The following ADARB1 variants were observed in gnomAD, a reference collection of about 807,000 sequenced individuals.
The protein encoded by ADARB1 is double-stranded RNA-specific editase 1.
In ADARB1, 10 loss-of-function variants were observed where a neutral mutation model predicts 52.4. That is an observed-to-expected ratio of 0.19 (90% CI 0.12 to 0.32). The LOEUF is 0.32. Among genes scored for constraint, ADARB1 ranks in the 10% least tolerant of loss-of-function variants. The pLI is 1.00. For synonymous variants in ADARB1, 349 were observed against 371.1 expected, an observed-to-expected ratio of 0.94 and a Z score of 0.68; for missense variants, 643 against 922.3, an observed-to-expected ratio of 0.70 and a Z score of 3.92.
chr21:45,115,309 G>T (rs931921325), intron 1 of ADARB1, among the ~76,000 whole-genome samples: 2 of 152,202 alleles, frequency 1.3e-5, no homozygotes, highest in African/African-American at 4.8e-5. Context: ...GCTCTCTGCT[G>T]AGTTGGTTCA....
chr21:45,162,377 G>A (rs996946359), intron 2 of ADARB1, among the ~76,000 whole-genome samples: 20 of 152,054 alleles, frequency 1.3e-4, no homozygotes, highest in African/African-American at 4.1e-4. Flanking sequence ...TGGACCCCAC[G>A]CCCACTCACT....
chr21:45,218,485 A>C (rs1193497852), intron 9 of ADARB1, among the ~76,000 whole-genome samples: 1 of 152,210 alleles, frequency 6.6e-6, no homozygotes, highest in Non-Finnish European at 1.5e-5. Context: ...TTGATTGAGT[A>C]ACATGCCTAC....
Position 45,103,274 on chromosome 21 carries a change from C to CAAAA in ADARB1, c.-219-25127_-219-25126insAAAA, listed in dbSNP as rs529492793. 1.5e-3 allele frequency among the ~76,000 whole-genome samples: 227 copies of CAAAA among 152,142 alleles called. 1 individual carries two copies. Among genetic ancestry groups the CAAAA allele is most frequent in the Non-Finnish European group, 2.6e-3 (176 of 68,006 alleles). ...CAGCAGTCCTCAACCTTTTTGGCAC[C>CAAAA]AGGGACTGGTGACAATTTTTCCATG... is the stretch of plus-strand genomic sequence containing the variant. On this transcript the variant is annotated intron_variant, in intron 1 of 10. Transcript: ENST00000348831.
At chr21:45,095,257 C>T (rs2086710234) in intron 1 of ADARB1, among the ~76,000 whole-genome samples, 1 of 152,244 alleles carries the variant, frequency 6.6e-6, no homozygotes, top group African/African-American at 2.4e-5. Context: ...TGCCCCCAGC[C>T]CAGGCTGCGC....
chr21:45,132,638 A>G (rs2089025120), intron 2 of ADARB1, among the ~76,000 whole-genome samples: 1 of 152,154 alleles, frequency 6.6e-6, no homozygotes, highest in Non-Finnish European at 1.5e-5. Flanking sequence ...TGAGGGATTC[A>G]CTTTCAGATG....
At chr21:45,158,671 C>T (rs77168961) in intron 2 of ADARB1, among the ~76,000 whole-genome samples, 2,239 of 152,262 alleles carry the variant, frequency 0.015, 52 homozygotes, top group African/African-American at 0.051. Context: ...GCTGTCCTAC[C>T]TTCCTCACAT....
chr21:45,120,110 C>G (rs781021155), intron 1 of ADARB1, among the ~76,000 whole-genome samples: 1 of 152,202 alleles, frequency 6.6e-6, no homozygotes, highest in Non-Finnish European at 1.5e-5. Flanking sequence ...TAATAATTCA[C>G]TTCGTAGGTT....
chr21:45,116,876 T>G (rs2145779002), intron 1 of ADARB1: 1 of 152,274 alleles, frequency 6.6e-6, no homozygotes, highest in Non-Finnish European at 1.5e-5. Context: ...AGTGGGGACA[T>G]GGCCAAACAA....
At position 45,185,090 on chromosome 21, in the gene ADARB1, C is replaced by T. The variant is rs1397649138; in HGVS notation, c.1564C>T (p.Arg522Cys). 3.1e-6 allele frequency: 5 copies of T among 1,613,532 alleles called. No individual in the cohort carries two copies. Among genetic ancestry groups the T allele is most frequent in the East Asian group, 2.2e-5 (1 of 44,866 alleles). Residue 522 changes from arginine to cysteine, a missense_variant and splice_region_variant, in exon 8 of 11, where the codon CGC becomes TGC. Arg to Cys is a radical substitution (Grantham distance 180). Coordinates refer to ENST00000348831, the MANE Select transcript of ADARB1 (RefSeq NM_001112.4). ...LTMSCSDKIA[R>C]WNVVGIQGSL... is the part of the protein sequence containing the mutation. The stretch of plus-strand genomic sequence containing the variant: ...CATGTCCTGCAGTGACAAGATTGCA[C>T]GGTAAGGGGCGGGGGCTCCCTGTGG...
intron 2 of ADARB1, among the ~76,000 whole-genome samples, chr21:45,168,643 CTT>C (rs932888116): frequency 5.3e-5 from 8 of 152,208 alleles, no homozygotes; most frequent in Non-Finnish European, 8.8e-5. Context: ...GTGCTATCCT[CTT>C]GTGATCTGCT....
At chr21:45,084,407 A>G (rs2086261894) in intron 1 of ADARB1, among the ~76,000 whole-genome samples, 2 of 152,214 alleles carry the variant, frequency 1.3e-5, no homozygotes. Flanking sequence ...AGGTATAGGA[A>G]GGGAGGGCCT....
chr21:45,122,248 AATGATAAATATCACTTTAAAAG>A (rs1380519788), intron 1 of ADARB1, among the ~76,000 whole-genome samples: 1 of 152,246 alleles, frequency 6.6e-6, no homozygotes, highest in African/African-American at 2.4e-5. Flanking sequence ...ATTAAATTAT[AATGATAAATATCACTTTAAAAG>A]GAAACAGTTG....
chr21:45,139,222 T>C (rs2089569451), intron 2 of ADARB1, among the ~76,000 whole-genome samples: 1 of 152,186 alleles, frequency 6.6e-6, no homozygotes, highest in Admixed American at 6.5e-5. Context: ...CTCCCAGCCT[T>C]GTTTGTCTTC....
At chr21:45,211,505 T>C (rs2092769258) in intron 9 of ADARB1, among the ~76,000 whole-genome samples, 1 of 152,240 alleles carries the variant, frequency 6.6e-6, no homozygotes, top group African/African-American at 2.4e-5. Flanking sequence ...CATGAACCCA[T>C]AATAACCCTA....
chr21:45,190,359 G>A (rs547814078), intron 8 of ADARB1, among the ~76,000 whole-genome samples: 1 of 152,060 alleles, frequency 6.6e-6, no homozygotes, highest in East Asian at 1.9e-4. Flanking sequence ...ATTTTGTTTA[G>A]TTGTCTATGT....
chr21:45,224,238 C>G lies in ADARB1; in HGVS notation c.*2041C>G. On this transcript the variant is annotated 3_prime_UTR_variant, in exon 11 of 11. Transcript: ENST00000348831. ...GTTTAGTGTTAATATATTCCATATA[C>G]ATACAAAACTACCCGGTATGTCTGG... 3.0e-6 allele frequency: 3 copies of G among 985,408 alleles called. No homozygotes were observed. Among genetic ancestry groups the G allele is most frequent in the Non-Finnish European group, 3.6e-6 (3 of 829,932 alleles). The allele number at this position is 985,408 out of a possible 1,614,324, so 61.0% of individuals were successfully genotyped here.
chr21:45,183,496 A>C lies in ADARB1; in HGVS notation c.1382A>C (p.Glu461Ala). 1 of 1,612,148 alleles carries C rather than the reference A, an allele frequency of 6.2e-7. No homozygotes were observed. Among genetic ancestry groups the C allele is most frequent in the Non-Finnish European group, 8.5e-7 (1 of 1,179,568 alleles). ...CGDARIFSPH[E>A]PILEEPADRH... ...GATGCCAGAATCTTCTCACCACATG[A>C]GCCAATCCTGGAAGGTATGAGACGA... is the stretch of plus-strand genomic sequence containing the variant. The change falls in exon 7 of 11, where the codon GAG (glutamate) becomes GCG (alanine). Residue 461 changes from glutamate to alanine, a missense_variant. Around this residue, in one of 2 missense-constraint regions of ADARB1, gnomAD observed 263 missense variants for 475.8 expected, o/e 0.55. Coordinates refer to ENST00000348831, the MANE Select transcript of ADARB1 (RefSeq NM_001112.4).
At chr21:45,118,329 A>G (rs1383457450) in intron 1 of ADARB1, among the ~76,000 whole-genome samples, 3 of 152,042 alleles carry the variant, frequency 2.0e-5, no homozygotes, top group South Asian at 2.1e-4. Flanking sequence ...TCCTTATAGA[A>G]TGGATGGCTG....
Position 45,182,242 on chromosome 21 carries a change from A to G in ADARB1, c.1079-343A>G, listed in dbSNP as rs183047758. 2.3e-3 allele frequency among the ~76,000 whole-genome samples: 347 copies of G among 152,290 alleles called. 2 individuals are homozygous for G. Among genetic ancestry groups the G allele is most frequent in the African/African-American group, 8.0e-3 (332 of 41,556 alleles). On this transcript the variant is annotated intron_variant, in intron 5 of 10. Transcript: ENST00000348831. ...ACCAGACCAGTTAGTCCACCTTTCC[A>G]TAGTGTTGCCCAGCTGTGTTCTAGT...
Sources: gnomAD v4.1 joint callset for allele counts (sites outside exome capture counted in the v4.1 genomes callset) on GRCh38, gnomAD v4.1.1 for gene constraint, gnomAD v4.1.1 regional missense constraint, MANE v1.5 for transcripts, NCBI Gene and HGNC (gene_info 2026-07-23, HGNC 2026-07-21) for gene names.